RBFOX1: variants seen among roughly 807,000 people sequenced by gnomAD.
The protein encoded by RBFOX1 is RNA binding fox-1 homolog 1.
In RBFOX1, 8 loss-of-function variants were observed where a neutral mutation model predicts 57.7. That is an observed-to-expected ratio of 0.14 (90% CI 0.08 to 0.25). RBFOX1 has a LOEUF of 0.25. Among genes scored for constraint, RBFOX1 ranks in the 10% least tolerant of loss-of-function variants. RBFOX1 has a pLI of 1.00. For synonymous variants in RBFOX1, 326 were observed against 222.4 expected, an observed-to-expected ratio of 1.47 and a Z score of -4.15; for missense variants, 611 against 548.5, an observed-to-expected ratio of 1.11 and a Z score of -1.14.
chr16:5,945,163 T>A (rs934789250), intron 4 of RBFOX1, among the ~76,000 whole-genome samples: 9 of 151,906 alleles, frequency 5.9e-5, no homozygotes, highest in Admixed American at 3.9e-4. Flanking sequence ...ATTGAGCAAG[T>A]CATTACAGAA....
Position 6,915,150 on chromosome 16 carries a change from C to T in RBFOX1, c.-15-136907C>T, listed in dbSNP as rs145117876. 5.1e-3 allele frequency among the ~76,000 whole-genome samples: 781 copies of T among 152,278 alleles called. 9 individuals are homozygous for T. The highest frequency in any genetic ancestry group is 0.027 in the Middle Eastern group (8 of 294). ...GTGGCGGAGCCATGCTCTCCAGACTCGGGGTCAAGGCACTGGGGCTGAGCT... is the reference window on the plus strand; with the variant it reads ...GTGGCGGAGCCATGCTCTCCAGACTTGGGGTCAAGGCACTGGGGCTGAGCT... On this transcript the variant is annotated intron_variant, in intron 3 of 15. Coordinates refer to ENST00000550418, the MANE Select transcript of RBFOX1 (RefSeq NM_018723.4).
At chr16:7,362,283 G>C (rs894035320) in intron 4 of RBFOX1, among the ~76,000 whole-genome samples, 1 of 131,120 alleles carries the variant, frequency 7.6e-6, no homozygotes, top group Non-Finnish European at 1.6e-5. Flanking sequence ...GTGTATGTTA[G>C]TATGTGTATG....
rs905195807 is a variant in RBFOX1 at position 6,520,969 on chromosome 16, C to G, written c.-63-133634C>G. ...GGGGAAAAAAATAATTGCTTCGCCA[C>G]TAGAGAGATGTAAATTGGCATAAAT... On this transcript the variant is annotated intron_variant, in intron 2 of 15. Transcript: ENST00000550418. Among the ~76,000 whole-genome samples, 5 of 151,720 alleles carry G rather than the reference C, an allele frequency of 3.3e-5. 1 individual carries two copies. The South Asian group carries it at 1.0e-3, about 32-fold the overall frequency.
chr16:5,827,403 GAAAAA>G (rs60597828), intron 3 of RBFOX1, among the ~76,000 whole-genome samples: 1 of 137,670 alleles, frequency 7.3e-6, no homozygotes, highest in Non-Finnish European at 1.6e-5. Context: ...CCATCTCAGG[GAAAAA>G]AAAAAAAAAA....
At chr16:5,279,440 G>C (rs1312425807) in intron 1 of RBFOX1, among the ~76,000 whole-genome samples, 1 of 151,912 alleles carries the variant, frequency 6.6e-6, no homozygotes, top group Non-Finnish European at 1.5e-5. Flanking sequence ...ACTGATTTTT[G>C]TGTGTTGATT....
At chr16:7,010,311 G>C (rs1285781849) in intron 3 of RBFOX1, among the ~76,000 whole-genome samples, 1 of 152,206 alleles carries the variant, frequency 6.6e-6, no homozygotes, top group Non-Finnish European at 1.5e-5. Context: ...GAACACTAGA[G>C]AAAGAACTTA....
At chr16:7,483,896 C>T (rs553982060) in intron 4 of RBFOX1, among the ~76,000 whole-genome samples, 13 of 152,282 alleles carry the variant, frequency 8.5e-5, no homozygotes, top group East Asian at 1.9e-4. Flanking sequence ...CTAATTCATC[C>T]GCTTAAGTGT....
At chr16:5,471,977 C>T (rs575168047) in intron 2 of RBFOX1, among the ~76,000 whole-genome samples, 58 of 152,306 alleles carry the variant, frequency 3.8e-4, no homozygotes, top group Non-Finnish European at 7.2e-4. Context: ...ACCTCCCCGA[C>T]AGATGAAAGC....
chr16:5,948,182 G>A (rs1203639351), intron 4 of RBFOX1, among the ~76,000 whole-genome samples: 1 of 152,192 alleles, frequency 6.6e-6, no homozygotes, highest in African/African-American at 2.4e-5. Context: ...GTTTGCTATA[G>A]AGGGGAGGAA....
intron 3 of RBFOX1, among the ~76,000 whole-genome samples, chr16:7,035,623 A>C (rs2044180467): frequency 6.6e-6 from 1 of 152,148 alleles, no homozygotes; most frequent in African/African-American, 2.4e-5. Context: ...TTTAAATCTG[A>C]AGAGCTCTCT....
intron 2 of RBFOX1, among the ~76,000 whole-genome samples, chr16:5,574,733 C>T (rs1174850905): frequency 2.0e-5 from 3 of 152,148 alleles, no homozygotes; most frequent in East Asian, 1.9e-4. Flanking sequence ...TTCTCTCACT[C>T]CTCCCTGTTT....
intron 4 of RBFOX1, among the ~76,000 whole-genome samples, chr16:7,418,259 T>A (rs754681645): frequency 6.6e-6 from 1 of 152,118 alleles, no homozygotes; most frequent in Non-Finnish European, 1.5e-5. Flanking sequence ...TTGCCAGAGG[T>A]AAACCAGGTC....
chr16:6,512,741 C>A (rs1472915057), intron 2 of RBFOX1, among the ~76,000 whole-genome samples: 1 of 152,164 alleles, frequency 6.6e-6, no homozygotes, highest in South Asian at 2.1e-4. Context: ...TGTCTTGTTT[C>A]TGTGGCCACA....
chr16:7,698,745 A>G (rs530331979), intron 14 of RBFOX1, among the ~76,000 whole-genome samples: 1 of 152,236 alleles, frequency 6.6e-6, no homozygotes, highest in East Asian at 1.9e-4. Context: ...ATGTATTATA[A>G]TAGGGAAAGT....
intron 3 of RBFOX1, among the ~76,000 whole-genome samples, chr16:6,817,889 G>T (rs941185439): frequency 2.0e-5 from 3 of 152,088 alleles, no homozygotes; most frequent in Non-Finnish European, 4.4e-5. Flanking sequence ...ATGAAGGCTT[G>T]CCTCATACCC....
intron 4 of RBFOX1, among the ~76,000 whole-genome samples, chr16:7,421,737 C>A (rs1463325827): frequency 6.6e-6 from 1 of 152,224 alleles, no homozygotes; most frequent in African/African-American, 2.4e-5. Flanking sequence ...CCACATCATT[C>A]CTTGTTTGGT....
At chr16:6,894,117 C>G (rs972506809) in intron 3 of RBFOX1, among the ~76,000 whole-genome samples, 2 of 152,146 alleles carry the variant, frequency 1.3e-5, no homozygotes, top group African/African-American at 2.4e-5. Context: ...TACAAACATA[C>G]ATAGATTATG....
chr16:7,103,548 A>C (rs188196248), intron 4 of RBFOX1, among the ~76,000 whole-genome samples: 7 of 152,316 alleles, frequency 4.6e-5, no homozygotes, highest in Non-Finnish European at 1.0e-4. Context: ...GCTGTGTATC[A>C]AATGTATAGA....
intron 11 of RBFOX1, among the ~76,000 whole-genome samples, chr16:7,643,141 A>C (rs1043891380): frequency 1.3e-5 from 2 of 152,216 alleles, no homozygotes; most frequent in African/African-American, 4.8e-5. Context: ...CACCAATTCT[A>C]CTGCCTTCGC....
Sources: gnomAD v4.1 joint callset for allele counts (sites outside exome capture counted in the v4.1 genomes callset) on GRCh38, gnomAD v4.1.1 for gene constraint, MANE v1.5 for transcripts, NCBI Gene and HGNC (gene_info 2026-07-23, HGNC 2026-07-21) for gene names.